Variants in TTL observed in about 807,000 individuals in gnomAD.
TTL encodes the protein tubulin--tyrosine ligase.
TTL carries 10 observed loss-of-function variants against 41.1 expected under a neutral mutation model. The observed-to-expected ratio is 0.24, with a 90% CI of 0.15 to 0.41. The LOEUF is 0.41. TTL is among the 10% of genes least tolerant of loss of function. The probability of loss-of-function intolerance (pLI) is 1.00; values close to 1 mark genes in which losing one functional copy is unlikely to be tolerated. For synonymous variants in TTL, 175 were observed against 175.5 expected, an observed-to-expected ratio of 1.00 and a Z score of 0.02; for missense variants, 367 against 460.4, an observed-to-expected ratio of 0.80 and a Z score of 1.86.
chr2:112,520,607 C>T (rs186782515), intron 6 of TTL, 182 bp downstream of exon 6: 19 of 672,988 alleles, frequency 2.8e-5, no homozygotes, highest in African/African-American at 2.7e-4. Context: ...CCTATTTCCC[C>T]GTGTATAGGC....
intron 2 of TTL, among the ~76,000 whole-genome samples, chr2:112,489,990 T>C (rs1681336082): frequency 6.6e-6 from 1 of 152,240 alleles, no homozygotes; most frequent in Admixed American, 6.5e-5. Flanking sequence ...CCCTTCTCCA[T>C]CAGTGAATAC....
At chr2:112,516,445 G>A (rs1480952349) in intron 5 of TTL, among the ~76,000 whole-genome samples, 1 of 152,160 alleles carries the variant, frequency 6.6e-6, no homozygotes, top group Non-Finnish European at 1.5e-5. Context: ...GGAGACCAAG[G>A]TGGGTGGATC....
intron 6 of TTL, among the ~76,000 whole-genome samples, chr2:112,528,152 C>T (rs949578175): frequency 6.6e-6 from 1 of 152,222 alleles, no homozygotes; most frequent in Non-Finnish European, 1.5e-5. Flanking sequence ...CCACTCTCTT[C>T]TGGCTTGTAG....
rs962131390 is a variant in TTL, at chr2:112,531,121, A to G, written c.*2326A>G. On this transcript the variant is annotated 3_prime_UTR_variant, in exon 7 of 7. Coordinates refer to ENST00000233336, the MANE Select transcript of TTL (RefSeq NM_153712.5). ...CAGCCTCCTGAGTAGCTGAGACTAC[A>G]GGTGCACACCACCAAGCCTGGCTTT... 8 of 211,258 alleles carry G rather than the reference A, an allele frequency of 3.8e-5. No individual in the cohort carries two copies. Among genetic ancestry groups the G allele is most frequent in the Non-Finnish European group, 9.6e-6 (1 of 104,158 alleles). 13.1% of individuals were successfully genotyped at this position (211,258 alleles called of 1,614,324 possible).
chr2:112,525,596 T>C (rs1044944444), intron 6 of TTL, among the ~76,000 whole-genome samples: 6 of 152,178 alleles, frequency 3.9e-5, no homozygotes, highest in African/African-American at 7.2e-5. Context: ...TTGTCTGTTA[T>C]TGGTTTATAG....
Position 112,485,984 on chromosome 2 carries a change from T to C in TTL, c.225T>C (p.Ala75=). Residue 75 remains alanine (A), a synonymous_variant, in exon 2 of 7, where the codon GCT becomes GCC. Coordinates refer to ENST00000233336, the MANE Select transcript of TTL (RefSeq NM_153712.5). ...YRGADKLCRK[A]SLVKLIKTSP... is the part of the protein sequence containing the mutation. ...GTGCTGACAAACTGTGTCGCAAAGC[T>C]TCTTTAGTGAAGTAAGTGTTAAGAC... 6.2e-7 allele frequency: 1 copy of C among 1,614,222 alleles called. No individual in the cohort carries two copies. The highest frequency in any genetic ancestry group is 1.1e-5 in the South Asian group (1 of 91,092).
Position 112,528,210 on chromosome 2 carries a change from G to A in TTL, c.1020-471G>A, listed in dbSNP as rs113389574. ...ATTAGTCTGATAGGCTTCCCTTTGT[G>A]GGTAACCCGACCTTTCTCTCTGGCT... On this transcript the variant is annotated intron_variant, in intron 6 of 6. Coordinates refer to ENST00000233336, the MANE Select transcript of TTL (RefSeq NM_153712.5). Among the ~76,000 whole-genome samples the A allele has an allele frequency of 8.5e-3, 1,296 of 152,230 alleles. 21 individuals carry two copies. Among genetic ancestry groups the A allele is most frequent in the African/African-American group, 0.03 (1,230 of 41,542 alleles).
chr2:112,526,113 G>T (rs1383249843), intron 6 of TTL, among the ~76,000 whole-genome samples: 2 of 152,218 alleles, frequency 1.3e-5, no homozygotes, highest in Non-Finnish European at 2.9e-5. Context: ...TGTTGAACCA[G>T]CCTTGCATCC....
chr2:112,497,939 C>T (rs1408555603), intron 3 of TTL, among the ~76,000 whole-genome samples: 7 of 152,182 alleles, frequency 4.6e-5, no homozygotes, highest in Admixed American at 3.9e-4. Flanking sequence ...AGAGTGAGTT[C>T]AGCCATGTTA....
intron 3 of TTL, among the ~76,000 whole-genome samples, chr2:112,498,269 G>A (rs138934491): frequency 0.012 from 1,877 of 152,180 alleles, 35 homozygotes; most frequent in African/African-American, 0.043. Context: ...GTTGCAGTGA[G>A]CTGAGATCGC....
At chr2:112,528,560 C>T (rs1682422222) in intron 6 of TTL, 121 bp from the exon 7 acceptor site, 1 of 751,670 alleles carries the variant, frequency 1.3e-6, no homozygotes, top group South Asian at 1.7e-5. Flanking sequence ...ACCATGATCG[C>T]ACCACTGCAT....
At chr2:112,495,817 G>A (rs1268989065) in intron 3 of TTL, among the ~76,000 whole-genome samples, 1 of 151,940 alleles carries the variant, frequency 6.6e-6, no homozygotes, top group Non-Finnish European at 1.5e-5. Flanking sequence ...TTCAGCCTGG[G>A]TGACAGAACA....
At chr2:112,492,130 A>G (rs1019572900) in intron 2 of TTL, among the ~76,000 whole-genome samples, 2 of 152,200 alleles carry the variant, frequency 1.3e-5, no homozygotes, top group South Asian at 4.1e-4. Context: ...ATTGTCCCTG[A>G]ATAGAATAGC....
At chr2:112,497,407 G>A (rs1681562796) in intron 3 of TTL, among the ~76,000 whole-genome samples, 1 of 151,984 alleles carries the variant, frequency 6.6e-6, no homozygotes, top group Non-Finnish European at 1.5e-5. Flanking sequence ...TATGGCTCTT[G>A]CTCTGTGTTA....
rs572373454 is a variant in TTL, at chr2:112,538,526, C to T, written c.*9731C>T. Reference sequence around the variant, plus strand: ...GCACGGTGGCTCACTCCTATAATCTCAGCACTTTTAGGAGGCCAAGGTGGG... The same window carrying T: ...GCACGGTGGCTCACTCCTATAATCTTAGCACTTTTAGGAGGCCAAGGTGGG... On this transcript the variant is annotated 3_prime_UTR_variant, in exon 7 of 7. Coordinates refer to ENST00000233336, the MANE Select transcript of TTL (RefSeq NM_153712.5). The T allele has an allele frequency of 6.6e-6, 1 of 152,336 alleles. No homozygotes were observed. The highest frequency in any genetic ancestry group is 2.4e-5 in the African/African-American group (1 of 41,566). The allele number at this position is 152,336 out of a possible 1,614,324, so 9.4% of individuals were successfully genotyped here. A position where few individuals can be genotyped will look rare whatever the true frequency, so the allele number is the denominator to read the frequency against.
At position 112,494,067 on chromosome 2, in the gene TTL, G is replaced by A. The variant is rs1229182211; in HGVS notation, c.237-76G>A. Reference sequence around the variant, plus strand: ...TTTGCCTCCCGGAAAGTCTCTGGGGGAAAGGAGTGGCCTTTCTGAAGGGAG... The same window carrying A: ...TTTGCCTCCCGGAAAGTCTCTGGGGAAAAGGAGTGGCCTTTCTGAAGGGAG... On this transcript the variant is annotated intron_variant, in intron 2 of 6. Coordinates refer to ENST00000233336, the MANE Select transcript of TTL (RefSeq NM_153712.5). The A allele has an allele frequency of 7.9e-6, 9 of 1,139,830 alleles. No homozygotes were observed. The South Asian group carries it at 8.8e-5, about 11-fold the overall frequency. 70.6% of individuals were successfully genotyped at this position (1,139,830 alleles called of 1,614,324 possible). A position where few individuals can be genotyped will look rare whatever the true frequency, so the allele number is the denominator to read the frequency against.
Position 112,509,489 on chromosome 2 carries a change from T to C in TTL, c.875+6308T>C, listed in dbSNP as rs1451350115. Among the ~76,000 whole-genome samples the C allele has an allele frequency of 3.3e-5, 5 of 152,348 alleles. No homozygotes were observed. The East Asian group carries it at 5.8e-4, about 18-fold the overall frequency. On this transcript the variant is annotated intron_variant, in intron 5 of 6. Coordinates refer to ENST00000233336, the MANE Select transcript of TTL (RefSeq NM_153712.5). ...GAGACTCCGTGGGCGTAGGACCCTC[T>C]GAGCCAGGTGTGGGATATAATCTCA...
intron 5 of TTL, among the ~76,000 whole-genome samples, chr2:112,504,082 C>T (rs1166884509): frequency 0.012 from 510 of 40,990 alleles, 23 homozygotes; most frequent in African/African-American, 0.042. Flanking sequence ...TTTGTTCTTG[C>T]GATAGTTTAC....
intron 6 of TTL, 139 bp from the exon 7 acceptor site, chr2:112,528,542 G>T (rs944024753): frequency 1.5e-5 from 10 of 672,114 alleles, no homozygotes; most frequent in Non-Finnish European, 2.4e-5. Context: ...TGAGGCTGCA[G>T]TGTATGTACC....
Sources: allele counts gnomAD v4.1 joint callset (sites outside exome capture counted in the v4.1 genomes callset), GRCh38; gene constraint gnomAD v4.1.1; transcripts MANE v1.5; gene names NCBI Gene and HGNC (gene_info 2026-07-23, HGNC 2026-07-21).